TRPM3: variants seen among roughly 807,000 people sequenced by gnomAD.
The protein encoded by TRPM3 is transient receptor potential cation channel subfamily M member 3, also known as long transient receptor potential channel 3.
A neutral mutation model predicts 181.2 loss-of-function variants in TRPM3; 77 were observed. The ratio of observed to expected loss-of-function variants is 0.42; its 90% CI spans 0.35 to 0.51. The LOEUF is 0.51. TRPM3 is among the 20% of genes least tolerant of loss of function. The pLI is 0.01. For synonymous variants in TRPM3, 745 were observed against 796.4 expected (o/e 0.94, Z 1.09); for missense variants, 1,759 against 2,196.7 (o/e 0.80, Z 3.98).
At position 70,776,315 on chromosome 9, in the gene TRPM3, G is replaced by A. The variant is rs71505913; in HGVS notation, c.1148+7790C>T. 13 of 585,648 alleles carry A rather than the reference G, an allele frequency of 2.2e-5. No homozygotes were observed. In the Admixed American group the frequency reaches 2.8e-4, roughly 12 times the overall value. 36.3% of individuals were successfully genotyped at this position (585,648 alleles called of 1,614,324 possible). ...GTTCATTCCAACTGTAAAGTCGAAG[G>A]AAGCTGGGGTAGGACACTGCAGATG... On this transcript the variant is annotated intron_variant, in intron 7 of 25. Transcript: ENST00000677713.
chr9:70,778,890 T>G (rs2130757251), intron 7 of TRPM3, among the ~76,000 whole-genome samples: 1 of 152,284 alleles, frequency 6.6e-6, no homozygotes, highest in South Asian at 2.1e-4. Context: ...TACACTTCGG[T>G]TTCTAAAATG....
At chr9:70,830,794 A>T (rs1037762356) in intron 5 of TRPM3, among the ~76,000 whole-genome samples, 5 of 152,164 alleles carry the variant, frequency 3.3e-5, no homozygotes, top group African/African-American at 1.2e-4. Context: ...CCTCTTGGGG[A>T]TTAGTTGAGA....
rs1425846191 is a variant in TRPM3, at chr9:71,013,411, A to G, written c.177+107767T>C. On this transcript the variant is annotated intron_variant, in intron 1 of 25. Transcript: ENST00000677713. ...CTTTCTTTTTTGTGTTCTCTTTATA[A>G]TATTTGGAATCGATGCCATTCTTAT... is the stretch of plus-strand genomic sequence containing the variant. Among the ~76,000 whole-genome samples the G allele has an allele frequency of 1.3e-5, 2 of 151,984 alleles. 1 individual carries two copies. Among genetic ancestry groups the G allele is most frequent in the South Asian group, 4.1e-4 (2 of 4,832 alleles).
chr9:71,252,847 C>CTTTTTTT (rs11417438), intron 1 of TRPM3, among the ~76,000 whole-genome samples: 3 of 84,758 alleles, frequency 3.5e-5, no homozygotes, highest in African/African-American at 5.2e-5. Context: ...AATTTTGTCT[C>CTTTTTTT]TTTTTTTTTT....
At position 70,625,465 on chromosome 9, in the gene TRPM3, C is replaced by G; in HGVS notation, c.1668+17G>C. The G allele has an allele frequency of 6.2e-7, 1 of 1,607,112 alleles. No homozygotes were observed. On this transcript the variant is annotated intron_variant, in intron 13 of 25. Coordinates refer to ENST00000677713, the MANE Select transcript of TRPM3 (RefSeq NM_001366145.2). This position sits in a 1 kb window ranked among gnomAD's most constrained non-coding sequence, Gnocchi z 4.8. ...AGAAACATATGAATGTATTATTATG[C>G]TGGTTAATTAATTCACCTTAAAATA... is the stretch of plus-strand genomic sequence containing the variant.
intron 25 of TRPM3, among the ~76,000 whole-genome samples, chr9:70,539,842 T>C (rs2042814878): frequency 1.3e-5 from 2 of 152,184 alleles, no homozygotes; most frequent in South Asian, 4.1e-4. Flanking sequence ...TTTATTTCTT[T>C]ATTTATGTTT....
chr9:70,854,780 T>C (rs951645813), intron 3 of TRPM3, among the ~76,000 whole-genome samples: 5 of 152,180 alleles, frequency 3.3e-5, no homozygotes, highest in Non-Finnish European at 5.9e-5. Context: ...GAAGGCCCTG[T>C]GATGTGCTAA....
chr9:70,946,618 A>G (rs990185487), intron 1 of TRPM3, among the ~76,000 whole-genome samples: 1 of 152,138 alleles, frequency 6.6e-6, no homozygotes, highest in Non-Finnish European at 1.5e-5. Flanking sequence ...TTATGTATCT[A>G]TATCAATGAA....
intron 6 of TRPM3, among the ~76,000 whole-genome samples, chr9:70,798,764 A>G (rs1035326085): frequency 6.6e-6 from 1 of 152,216 alleles, no homozygotes; most frequent in Non-Finnish European, 1.5e-5. Flanking sequence ...GTTGCCTGTC[A>G]TACCTCAACA....
At chr9:71,142,980 T>TAAAA (rs34661280) in intron 1 of TRPM3, among the ~76,000 whole-genome samples, 18 of 147,074 alleles carry the variant, frequency 1.2e-4, no homozygotes, top group Admixed American at 6.1e-4. Flanking sequence ...AAGAAAATGT[T>TAAAA]AAAAAAAAAA....
At chr9:71,179,103 T>C (rs1463732765) in intron 1 of TRPM3, among the ~76,000 whole-genome samples, 1 of 152,164 alleles carries the variant, frequency 6.6e-6, no homozygotes, top group Non-Finnish European at 1.5e-5. Context: ...CTCTTTCCTA[T>C]ATTCTAGGTT....
chr9:70,632,454 T>C (rs2066042770), intron 12 of TRPM3, among the ~76,000 whole-genome samples: 1 of 152,236 alleles, frequency 6.6e-6, no homozygotes, highest in Admixed American at 6.5e-5. Flanking sequence ...CATCATCAGA[T>C]ACTTACCTTA....
In TRPM3 at chr9:70,533,324, G is replaced by T. The variant is rs1291404335; in HGVS notation, c.*2629C>A. 1 of 152,146 alleles carries T rather than the reference G, an allele frequency of 6.6e-6. No homozygotes were observed. Among genetic ancestry groups the T allele is most frequent in the Non-Finnish European group, 1.5e-5 (1 of 68,030 alleles). 9.4% of individuals were successfully genotyped at this position (152,146 alleles called of 1,614,324 possible). On this transcript the variant is annotated 3_prime_UTR_variant, in exon 26 of 26. Coordinates refer to ENST00000677713, the MANE Select transcript of TRPM3 (RefSeq NM_001366145.2). ...AGACTTCAGCATTGTGATTGTGCTT[G>T]ATACTTAAAATCATCAACATGTTAG...
intron 1 of TRPM3, among the ~76,000 whole-genome samples, chr9:70,887,108 C>G (rs1396393177): frequency 6.6e-6 from 1 of 152,196 alleles, no homozygotes; most frequent in Non-Finnish European, 1.5e-5. Context: ...AACAACCTAA[C>G]TCCTACATCA....
intron 1 of TRPM3, among the ~76,000 whole-genome samples, chr9:70,935,613 C>T (rs1328078724): frequency 6.6e-6 from 1 of 152,158 alleles, no homozygotes; most frequent in Non-Finnish European, 1.5e-5. Context: ...GCTCTCTTTA[C>T]TCACTGATGT....
intron 1 of TRPM3, among the ~76,000 whole-genome samples, chr9:71,290,827 A>T (rs962063269): frequency 5.3e-5 from 8 of 151,538 alleles, no homozygotes; most frequent in South Asian, 2.1e-4. Context: ...ATTAAACTGT[A>T]TAGGACCTAA....
At chr9:70,944,590 T>C (rs1490688548) in intron 1 of TRPM3, among the ~76,000 whole-genome samples, 1 of 152,184 alleles carries the variant, frequency 6.6e-6, no homozygotes, top group African/African-American at 2.4e-5. Flanking sequence ...CTAGACTTAA[T>C]GGGCAAAGAG....
chr9:71,161,218 C>T (rs1004231405), intron 1 of TRPM3, among the ~76,000 whole-genome samples: 50 of 152,122 alleles, frequency 3.3e-4, no homozygotes, highest in African/African-American at 1.1e-3. Context: ...AACTCCAAGC[C>T]CTTCTCTATC....
chr9:71,357,605 C>T (rs1190979212), intron 1 of TRPM3, among the ~76,000 whole-genome samples: 1 of 152,044 alleles, frequency 6.6e-6, no homozygotes, highest in Non-Finnish European at 1.5e-5. Flanking sequence ...TTTGGGAACA[C>T]TGTCTGTGGT....
Sources: gnomAD v4.1 joint callset for allele counts (sites outside exome capture counted in the v4.1 genomes callset) on GRCh38, gnomAD v4.1.1 for gene constraint, Gnocchi (gnomAD v3.1) non-coding constraint, MANE v1.5 for transcripts, NCBI Gene and HGNC (gene_info 2026-07-23, HGNC 2026-07-21) for gene names.